Variants in PAX1 observed in about 807,000 individuals in gnomAD.
The protein encoded by PAX1 is paired box protein Pax-1.
In PAX1, 18 loss-of-function variants were observed where a neutral mutation model predicts 35.6. The observed-to-expected ratio is 0.50, with a 90% CI of 0.35 to 0.75. The LOEUF (loss-of-function observed/expected upper bound fraction) is 0.75, where lower values mean the gene tolerates loss of function less well. Ranked by LOEUF, PAX1 falls within the 30% of genes least tolerant of loss-of-function variation. PAX1 has a pLI of 0.01. For synonymous variants in PAX1, 397 were observed against 305.2 expected (o/e 1.30, Z -3.14); for missense variants, 760 against 661.5 (o/e 1.15, Z -1.63).
intron 4 of PAX1, among the ~76,000 whole-genome samples, chr20:21,711,447 A>G (rs939935091): frequency 6.6e-6 from 1 of 152,240 alleles, no homozygotes; most frequent in Non-Finnish European, 1.5e-5. Context: ...TTTAGAAGAC[A>G]CTTTCCTTTT....
In PAX1 at chr20:21,717,414, A is replaced by T. The variant is rs1055208190; in HGVS notation, c.*2852A>T. 2.0e-5 allele frequency: 3 copies of T among 152,254 alleles called. No individual in the cohort carries two copies. Among genetic ancestry groups the T allele is most frequent in the African/African-American group, 7.2e-5 (3 of 41,450 alleles). 9.4% of individuals were successfully genotyped at this position (152,254 alleles called of 1,614,324 possible). On this transcript the variant is annotated 3_prime_UTR_variant, in exon 5 of 5. Transcript: ENST00000613128. ...CGCGCACGGTGACCTGGCCTGTAGG[A>T]AGACTGCCACTGGTGTGGCCTCACC...
At position 21,715,531 on chromosome 20, in the gene PAX1, G is replaced by C. The variant is rs759924621; in HGVS notation, c.*969G>C. On this transcript the variant is annotated 3_prime_UTR_variant, in exon 5 of 5. Coordinates refer to ENST00000613128, the MANE Select transcript of PAX1 (RefSeq NM_001257096.2). ...CACCCCAAAGAAGACTGGGGTAGGA[G>C]TAGGGAGCACAGGGGTTGTTGGTGT... 1.3e-5 allele frequency: 2 copies of C among 152,376 alleles called. No homozygotes were observed. The highest frequency in any genetic ancestry group is 2.9e-5 in the Non-Finnish European group (2 of 68,256). The allele number at this position is 152,376 out of a possible 1,614,324, so 9.4% of individuals were successfully genotyped here.
intron 4 of PAX1, among the ~76,000 whole-genome samples, chr20:21,714,221 G>T (rs760208540): frequency 2.0e-5 from 3 of 152,226 alleles, no homozygotes; most frequent in Non-Finnish European, 4.4e-5. Context: ...GTCAGTGTTT[G>T]CAAATGGCCT....
chr20:21,709,264 T>C lies in PAX1; in HGVS notation c.1102T>C (p.Cys368Arg), dbSNP rs376374051. 3.1e-5 allele frequency: 50 copies of C among 1,606,344 alleles called. No individual in the cohort carries two copies. The African/African-American group carries it at 5.5e-4, about 18-fold the overall frequency. The part of the protein sequence containing the change: ...LSAVGGFLPA[C>R]AYPASNQHGV... ...TGCCGTGGGCGGCTTTCTCCCCGCC[T>C]GCGCCTACCCGGCCTCCAACCAGCA... is the stretch of plus-strand genomic sequence containing the variant. The change falls in exon 4 of 5, where the codon TGC becomes CGC. Residue 368 changes from cysteine to arginine, a missense_variant. Cys to Arg is a radical substitution (Grantham distance 180). This residue lies in a region of PAX1 where 490 missense variants were observed against 428.4 expected (regional missense o/e 1.14). Transcript: ENST00000613128.
Position 21,714,759 on chromosome 20 carries a change from C to T in PAX1, c.*197C>T, listed in dbSNP as rs372451169. On this transcript the variant is annotated 3_prime_UTR_variant, in exon 5 of 5. Transcript: ENST00000613128. ...CCTCTGGCCGGACCCACCACACTTCCTTTATTGGTCTGGGTTTTTAGGCTT... is the reference window on the plus strand; with the variant it reads ...CCTCTGGCCGGACCCACCACACTTCTTTTATTGGTCTGGGTTTTTAGGCTT... 2.5e-6 allele frequency: 4 copies of T among 1,601,752 alleles called. No individual in the cohort carries two copies. Among genetic ancestry groups the T allele is most frequent in the Non-Finnish European group, 3.4e-6 (4 of 1,179,914 alleles).
At chr20:21,708,174 G>A (rs2122136887) in intron 2 of PAX1, 2 of 365,846 alleles carry the variant, frequency 5.5e-6, no homozygotes, top group South Asian at 4.8e-5. Context: ...GCCCTCCAGA[G>A]GCTTGTGCAG....
chr20:21,706,393 G>T lies in PAX1; in HGVS notation c.287-45G>T. On this transcript the variant is annotated intron_variant, in intron 1 of 4. Transcript: ENST00000613128. This position sits in a 1 kb window ranked among gnomAD's most constrained non-coding sequence, Gnocchi z 5.3. ...TGGGGACCCTTGGCTAACCCGCCGGGTGTTTTCTCCCCCTCCGGCTCACTC... is the reference window on the plus strand; with the variant it reads ...TGGGGACCCTTGGCTAACCCGCCGGTTGTTTTCTCCCCCTCCGGCTCACTC... The T allele has an allele frequency of 2.5e-6, 4 of 1,607,490 alleles. No homozygotes were observed. Among genetic ancestry groups the T allele is most frequent in the Non-Finnish European group, 3.4e-6 (4 of 1,179,610 alleles).
Position 21,714,658 on chromosome 20 carries a change from T to TCTCG in PAX1, c.*97_*98insTCGC. ...GCCCCGGCAATCGGCACGGGCAGGA[T>TCTCG]CGGAGGACTCGCGGAGGAGGAAGCC... On this transcript the variant is annotated 3_prime_UTR_variant, in exon 5 of 5. Coordinates refer to ENST00000613128, the MANE Select transcript of PAX1 (RefSeq NM_001257096.2). 1.3e-6 allele frequency: 2 copies of TCTCG among 1,599,960 alleles called. No homozygotes were observed. Among genetic ancestry groups the TCTCG allele is most frequent in the Non-Finnish European group, 1.7e-6 (2 of 1,176,096 alleles).
At chr20:21,708,315 T>G (rs1266089067) in intron 2 of PAX1, 5 of 623,218 alleles carry the variant, frequency 8.0e-6, no homozygotes, top group Non-Finnish European at 1.5e-5. Flanking sequence ...AGCAGCAGCC[T>G]CCCGTTCGTG....
chr20:21,706,806 C>T lies in PAX1; in HGVS notation c.655C>T (p.Arg219Cys). 3 of 1,613,588 alleles carry T rather than the reference C, an allele frequency of 1.9e-6. No homozygotes were observed. Among genetic ancestry groups the T allele is most frequent in the Non-Finnish European group, 2.5e-6 (3 of 1,180,032 alleles). The change falls in exon 2 of 5, where the codon CGC becomes TGC. Residue 219 changes from arginine to cysteine, a missense_variant. Arg to Cys is a radical substitution (Grantham distance 180). Coordinates refer to ENST00000613128, the MANE Select transcript of PAX1 (RefSeq NM_001257096.2). The surrounding 1 kb of genome is among the most constrained non-coding windows in gnomAD (Gnocchi z 5.3). ...YNVPSVSSIS[R>C]ILRNKIGSLA... ...TGTGCCTTCGGTGAGCTCCATCAGC[C>T]GCATCCTGCGCAACAAGATCGGCAG...
intron 4 of PAX1, 62 bp downstream of exon 4, chr20:21,709,506 CG>C: frequency 7.8e-7 from 1 of 1,275,882 alleles, no homozygotes; most frequent in Non-Finnish European, 1.1e-6. Flanking sequence ...TACTGGGGAG[CG>C]GGTGTGAGCC....
rs750997416 is a variant in PAX1, at chr20:21,714,580, C to T, written c.*18C>T. ...CCTCCTAGGGGCAGCTCTCCCCGGACCCGAGCCCGGAGGGAACGGCAGGCG... is the reference window on the plus strand; with the variant it reads ...CCTCCTAGGGGCAGCTCTCCCCGGATCCGAGCCCGGAGGGAACGGCAGGCG... On this transcript the variant is annotated 3_prime_UTR_variant, in exon 5 of 5. Coordinates refer to ENST00000613128, the MANE Select transcript of PAX1 (RefSeq NM_001257096.2). 1 of 1,579,854 alleles carries T rather than the reference C, an allele frequency of 6.3e-7. No homozygotes were observed. The highest frequency in any genetic ancestry group is 8.6e-7 in the Non-Finnish European group (1 of 1,163,898).
Position 21,706,098 on chromosome 20 carries a change from T to G in PAX1, c.286+100T>G. ...CGTCCGCTTTCCCTGGGCGACCCAGTCCTGGGTCCTGGAGAAGCTGCATTC... is the reference window on the plus strand; with the variant it reads ...CGTCCGCTTTCCCTGGGCGACCCAGGCCTGGGTCCTGGAGAAGCTGCATTC... On this transcript the variant is annotated intron_variant, in intron 1 of 4. Transcript: ENST00000613128. The surrounding 1 kb of genome is among the most constrained non-coding windows in gnomAD (Gnocchi z 5.3). 1 of 1,011,208 alleles carries G rather than the reference T, an allele frequency of 9.9e-7. No homozygotes were observed. Among genetic ancestry groups the G allele is most frequent in the Non-Finnish European group, 1.5e-6 (1 of 689,222 alleles). 62.6% of individuals were successfully genotyped at this position (1,011,208 alleles called of 1,614,324 possible).
In PAX1 at chr20:21,709,408, G is replaced by C; in HGVS notation, c.1246G>C (p.Ala416Pro). The C allele has an allele frequency of 6.5e-7, 1 of 1,545,120 alleles. No homozygotes were observed. The highest frequency in any genetic ancestry group is 8.7e-7 in the Non-Finnish European group (1 of 1,150,312). ...AGVAVHGGEL[A>P]AAMTFKHPSR... ...CGTAGCTGTGCATGGCGGGGAACTCGCGGCAGCAATGACCTTCAAGCATCC... is the reference window on the plus strand; with the variant it reads ...CGTAGCTGTGCATGGCGGGGAACTCCCGGCAGCAATGACCTTCAAGCATCC... Residue 416 changes from alanine (A) to proline (P), a missense_variant, in exon 4 of 5, where the codon GCG becomes CCG. Physicochemically the swap from Ala to Pro is conservative, Grantham distance 27. Around this residue, in one of 3 missense-constraint regions of PAX1, gnomAD observed 490 missense variants for 428.4 expected, o/e 1.14. Coordinates refer to ENST00000613128, the MANE Select transcript of PAX1 (RefSeq NM_001257096.2).
chr20:21,713,385 TG>T lies in PAX1; in HGVS notation c.1283-1085del, dbSNP rs1470224554. On this transcript the variant is annotated intron_variant, in intron 4 of 4. Transcript: ENST00000613128. The stretch of plus-strand genomic sequence containing the variant: ...AACCGTGTGTTTTCTTTTTTTTTTG[TG>T]TGTGTGTGTGTGTGTGTGTGTGTGT... 1.1e-3 allele frequency among the ~76,000 whole-genome samples: 155 copies of T among 144,430 alleles called. 1 individual carries two copies. Among genetic ancestry groups the T allele is most frequent in the African/African-American group, 2.7e-3 (108 of 39,714 alleles). The allele number at this position is 144,430 out of a possible 152,430, so 94.8% of individuals were successfully genotyped here.
Position 21,705,974 on chromosome 20 carries a change from C to G in PAX1, c.262C>G (p.Gln88Glu). Residue 88 changes from glutamine (Q) to glutamate (E), a missense_variant, in exon 1 of 5, where the codon CAG becomes GAG. Physicochemically the swap from Gln to Glu is conservative, Grantham distance 29. Transcript: ENST00000613128. ...PGHPGHPGAR[Q>E]LAGPLAMEQT... ...CCACCCCGGCCACCCCGGCGCCAGG[C>G]AGCTGGCCGGCCCGCTCGCTATGGG... 6.7e-7 allele frequency: 1 copy of G among 1,486,606 alleles called. No individual in the cohort carries two copies. Among genetic ancestry groups the G allele is most frequent in the Non-Finnish European group, 8.9e-7 (1 of 1,126,712 alleles). 92.1% of individuals were successfully genotyped at this position (1,486,606 alleles called of 1,614,324 possible). A position where few individuals can be genotyped will look rare whatever the true frequency, so the allele number is the denominator to read the frequency against.
chr20:21,706,649 G>A lies in PAX1; in HGVS notation c.498G>A (p.Gly166=). The A allele has an allele frequency of 1.2e-6, 2 of 1,612,286 alleles. No individual in the cohort carries two copies. Among genetic ancestry groups the A allele is most frequent in the East Asian group, 2.2e-5 (1 of 44,860 alleles). The change falls in exon 2 of 5, where the codon GGG becomes GGA. Residue 166 remains glycine, a synonymous_variant. Coordinates refer to ENST00000613128, the MANE Select transcript of PAX1 (RefSeq NM_001257096.2). This position sits in a 1 kb window ranked among gnomAD's most constrained non-coding sequence, Gnocchi z 5.3. ...ETGSILPGAI[G]GSKPRVTTPN... is the part of the protein sequence containing the mutation. ...GCTCCATTCTGCCCGGGGCCATCGG[G>A]GGGAGCAAGCCCCGCGTCACCACTC...
intron 4 of PAX1, among the ~76,000 whole-genome samples, chr20:21,713,382 T>TTGTGTGTGTGTGTG: frequency 6.8e-6 from 1 of 146,378 alleles, no homozygotes; most frequent in African/African-American, 2.5e-5. Flanking sequence ...TCTTTTTTTT[T>TTGTGTGTGTGTGTG]TGTGTGTGTG....
At chr20:21,713,835 C>A (rs1349343706) in intron 4 of PAX1, among the ~76,000 whole-genome samples, 2 of 152,228 alleles carry the variant, frequency 1.3e-5, no homozygotes, top group African/African-American at 2.4e-5. Context: ...CAGTGGTGAG[C>A]GCATCTGGAT....
Sources: allele counts gnomAD v4.1 joint callset (sites outside exome capture counted in the v4.1 genomes callset), GRCh38; gene constraint gnomAD v4.1.1; regional missense constraint gnomAD v4.1.1; non-coding constraint Gnocchi (gnomAD v3.1); transcripts MANE v1.5; gene names NCBI Gene and HGNC (gene_info 2026-07-23, HGNC 2026-07-21).